PIWIL4: variants seen among roughly 807,000 people sequenced by gnomAD.
PIWIL4 encodes piwi-like protein 4.
A neutral mutation model predicts 100.9 loss-of-function variants in PIWIL4; 50 were observed. That is an observed-to-expected ratio of 0.50 (90% CI 0.39 to 0.63). The LOEUF (loss-of-function observed/expected upper bound fraction) is 0.63. PIWIL4 is among the 20% of genes least tolerant of loss of function. The pLI, the probability that PIWIL4 is intolerant of heterozygous loss-of-function variation, is 0.00. For missense variants in PIWIL4, 887 were observed against 1,043.3 expected, an observed-to-expected ratio of 0.85 and a Z score of 2.06; for synonymous variants, 342 against 367.5, an observed-to-expected ratio of 0.93 and a Z score of 0.79.
chr11:94,603,531 A>G (rs1427598715), intron 12 of PIWIL4, among the ~76,000 whole-genome samples: 2 of 152,218 alleles, frequency 1.3e-5, no homozygotes, highest in African/African-American at 4.8e-5. Context: ...TAAATCATGC[A>G]AATTAGCTGA....
chr11:94,582,592 T>C (rs76598082), intron 4 of PIWIL4, among the ~76,000 whole-genome samples: 4,041 of 152,334 alleles, frequency 0.027, 81 homozygotes, highest in Middle Eastern at 0.058. Flanking sequence ...CATTGATTGA[T>C]ATTTATTGAC....
intron 4 of PIWIL4, among the ~76,000 whole-genome samples, chr11:94,579,158 G>GT (rs1244157324): frequency 6.6e-6 from 1 of 152,160 alleles, no homozygotes; most frequent in Non-Finnish European, 1.5e-5. Flanking sequence ...CCTTGTGCCT[G>GT]TATGTCCAAA....
rs1424839090 is a variant in PIWIL4, at chr11:94,577,528, G to A, written c.513+36G>A. 4 of 1,524,532 alleles carry A rather than the reference G, an allele frequency of 2.6e-6. No individual in the cohort carries two copies. The East Asian group carries it at 9.1e-5, about 35-fold the overall frequency. 94.4% of individuals were successfully genotyped at this position (1,524,532 alleles called of 1,614,324 possible). On this transcript the variant is annotated intron_variant, in intron 4 of 19. Coordinates refer to ENST00000299001, the MANE Select transcript of PIWIL4 (RefSeq NM_152431.3). The stretch of plus-strand genomic sequence containing the variant: ...ATTAGTTTTTTTACTGTATATGTGG[G>A]TGTGTGTTTATTATATGTGTATACA...
At chr11:94,593,419 T>C (rs967186383) in intron 8 of PIWIL4, 99 bp from the exon 9 acceptor site, 4 of 1,239,100 alleles carry the variant, frequency 3.2e-6, no homozygotes, top group Non-Finnish European at 4.4e-6. Flanking sequence ...GTTAGATTTA[T>C]TTATATATTA....
At chr11:94,593,671 G>C (rs766933935) in intron 9 of PIWIL4, 30 bp downstream of exon 9, 1 of 1,609,332 alleles carries the variant, frequency 6.2e-7, no homozygotes, top group South Asian at 1.1e-5. Context: ...CCTCTGTCAG[G>C]CTCCTGGATA....
At chr11:94,598,705 C>CTTTTTTTTT (rs769342028) in intron 11 of PIWIL4, among the ~76,000 whole-genome samples, 1 of 110,086 alleles carries the variant, frequency 9.1e-6, no homozygotes, top group Non-Finnish European at 1.8e-5. Flanking sequence ...TTTTTTCCAT[C>CTTTTTTTTT]TTTTTTTTTT....
At chr11:94,586,653 C>T (rs1045474516) in intron 6 of PIWIL4, among the ~76,000 whole-genome samples, 1 of 151,906 alleles carries the variant, frequency 6.6e-6, no homozygotes, top group Non-Finnish European at 1.5e-5. Context: ...TTTCCCCCCC[C>T]TCTTCAGGGA....
intron 4 of PIWIL4, among the ~76,000 whole-genome samples, chr11:94,579,326 T>C (rs765038139): frequency 1.3e-5 from 2 of 152,220 alleles, no homozygotes; most frequent in Non-Finnish European, 2.9e-5. Flanking sequence ...TCCACCTTTT[T>C]ACACATTTGA....
chr11:94,618,067 C>A lies in PIWIL4; in HGVS notation c.2128C>A (p.Gln710Lys). The stretch of plus-strand genomic sequence containing the variant: ...AACACTTATTGAATATGAAGTCCCA[C>A]AGCTGCTGAGCAGTGTGGCAGAATC... Reference protein sequence around the residue: ...LKTLIEYEVPQLLSSVAESSS... With the variant: ...LKTLIEYEVPKLLSSVAESSS... The change falls in exon 17 of 20, where the codon CAG becomes AAG. Residue 710 changes from glutamine to lysine, a missense_variant. By Grantham distance (53) the Gln-to-Lys change is moderately conservative. Coordinates refer to ENST00000299001, the MANE Select transcript of PIWIL4 (RefSeq NM_152431.3). 1 of 1,601,568 alleles carries A rather than the reference C, an allele frequency of 6.2e-7. No homozygotes were observed.
At chr11:94,573,292 C>G (rs971328405) in intron 2 of PIWIL4, among the ~76,000 whole-genome samples, 8 of 152,168 alleles carry the variant, frequency 5.3e-5, no homozygotes, top group Admixed American at 6.5e-5. Context: ...CTTTCTCCTG[C>G]CTGATTGCCC....
At chr11:94,586,821 A>C (rs1948406766) in intron 6 of PIWIL4, among the ~76,000 whole-genome samples, 1 of 152,212 alleles carries the variant, frequency 6.6e-6, no homozygotes, top group Non-Finnish European at 1.5e-5. Flanking sequence ...CAGTGGTGCC[A>C]AAGCTGAGAA....
At chr11:94,598,856 C>T (rs1411410067) in intron 11 of PIWIL4, among the ~76,000 whole-genome samples, 2 of 151,802 alleles carry the variant, frequency 1.3e-5, no homozygotes, top group South Asian at 2.1e-4. Context: ...TATAGGCGTG[C>T]GCCACCATGC....
chr11:94,604,913 C>T (rs72965829), intron 13 of PIWIL4, among the ~76,000 whole-genome samples: 19,854 of 152,186 alleles, frequency 0.13, 1,689 homozygotes, highest in Non-Finnish European at 0.19. Flanking sequence ...AGAATTCTCA[C>T]CCTAAGAGCA....
chr11:94,610,936 TTA>T (rs1339954357), intron 15 of PIWIL4, among the ~76,000 whole-genome samples: 5 of 152,182 alleles, frequency 3.3e-5, no homozygotes, highest in Non-Finnish European at 7.4e-5. Context: ...TTTAATCCAT[TTA>T]GAGTTAATAT....
rs760922789 is a variant in PIWIL4 at position 94,618,009 on chromosome 11, G to A, written c.2070G>A (p.Val690=). 17 of 1,612,902 alleles carry A rather than the reference G, an allele frequency of 1.1e-5. No individual in the cohort carries two copies. Among genetic ancestry groups the A allele is most frequent in the Non-Finnish European group, 1.4e-5 (16 of 1,179,172 alleles). ...YNHDLPARII[V]YRAGVGDGQL... The stretch of plus-strand genomic sequence containing the variant: ...ATGATTTGCCAGCACGGATAATTGT[G>A]TACCGTGCTGGTGTAGGGGATGGTC... Residue 690 remains valine (V), a synonymous_variant, in exon 17 of 20, where the codon GTG becomes GTA. Transcript: ENST00000299001.
chr11:94,597,818 G>A lies in PIWIL4; in HGVS notation c.1283G>A (p.Arg428His), dbSNP rs199854126. The A allele has an allele frequency of 1.6e-5, 26 of 1,612,644 alleles. No individual in the cohort carries two copies. In the Admixed American group the frequency reaches 1.8e-4, roughly 11 times the overall value. ...VDNIQRNTNARFELETWGLHF... is the reference protein window; with the variant it reads ...VDNIQRNTNAHFELETWGLHF... ...TTTATCAACAGGAATACCAATGCTCGCTTTGAACTAGAGACCTGGGGACTG... is the reference window on the plus strand; with the variant it reads ...TTTATCAACAGGAATACCAATGCTCACTTTGAACTAGAGACCTGGGGACTG... Residue 428 changes from arginine (R) to histidine (H), a missense_variant, in exon 11 of 20, where the codon CGC (arginine) becomes CAC (histidine). Transcript: ENST00000299001.
Position 94,604,668 on chromosome 11 carries a change from C to T in PIWIL4, c.1638+612C>T, listed in dbSNP as rs150518231. On this transcript the variant is annotated intron_variant, in intron 13 of 19. Transcript: ENST00000299001. ...ATCCCTGTTCTTAAAAATCTTTCAA[C>T]GATTCCTATTTCCCAGGAATGTTTA... Among the ~76,000 whole-genome samples the T allele has an allele frequency of 2.8e-3, 427 of 152,300 alleles. 4 individuals are homozygous for T. The highest frequency in any genetic ancestry group is 9.8e-3 in the African/African-American group (406 of 41,554).
At chr11:94,613,138 T>C (rs756818545) in intron 15 of PIWIL4, among the ~76,000 whole-genome samples, 4 of 152,212 alleles carry the variant, frequency 2.6e-5, no homozygotes, top group Admixed American at 6.5e-5. Flanking sequence ...TTATTTCTTA[T>C]ATGGCAGGTC....
Position 94,588,208 on chromosome 11 carries a change from G to A in PIWIL4, c.915-913G>A, listed in dbSNP as rs568270423. ...CTCCCACTTATAAGTGAGAACATGC[G>A]GTGTTTGGTTTTCTGTTCCTGCCCT... On this transcript the variant is annotated intron_variant, in intron 7 of 19. Coordinates refer to ENST00000299001, the MANE Select transcript of PIWIL4 (RefSeq NM_152431.3). 1.3e-3 allele frequency among the ~76,000 whole-genome samples: 196 copies of A among 152,032 alleles called. 2 individuals carry two copies. The highest frequency in any genetic ancestry group is 4.4e-3 in the African/African-American group (183 of 41,436).
Sources: gnomAD v4.1 joint callset for allele counts (sites outside exome capture counted in the v4.1 genomes callset) on GRCh38, gnomAD v4.1.1 for gene constraint, MANE v1.5 for transcripts, NCBI Gene and HGNC (gene_info 2026-07-23, HGNC 2026-07-21) for gene names.